PDZRN4: variants seen among roughly 807,000 people sequenced by gnomAD.
PDZRN4 encodes PDZ domain-containing RING finger protein 4.
PDZRN4 carries 70 observed loss-of-function variants against 99.0 expected under a neutral mutation model. The observed-to-expected ratio is 0.71, with a 90% CI of 0.58 to 0.86. PDZRN4 has a LOEUF of 0.86. Ranked by LOEUF, PDZRN4 falls within the 40% of genes least tolerant of loss-of-function variation. The pLI is 0.00. For missense variants in PDZRN4, 1,474 were observed against 1,331.2 expected (o/e 1.11, Z -1.67); for synonymous variants, 551 against 501.6 (o/e 1.10, Z -1.32).
intron 3 of PDZRN4, among the ~76,000 whole-genome samples, chr12:41,497,735 A>AATTGGTGTTTATTTGTGTCATAAT (rs1441528281): frequency 1.3e-5 from 2 of 152,182 alleles, no homozygotes; most frequent in Non-Finnish European, 2.9e-5. Context: ...TGACAAAGAT[A>AATTGGTGTTTATTTGTGTCATAAT]AAGTTGGTGA....
chr12:41,310,393 T>A (rs945455578), intron 3 of PDZRN4, among the ~76,000 whole-genome samples: 1 of 152,154 alleles, frequency 6.6e-6, no homozygotes, highest in African/African-American at 2.4e-5. Context: ...TTTCTAAAGA[T>A]CATATCTCAC....
At chr12:41,477,614 C>A (rs1372316814) in intron 3 of PDZRN4, among the ~76,000 whole-genome samples, 5 of 152,068 alleles carry the variant, frequency 3.3e-5, no homozygotes, top group Non-Finnish European at 7.4e-5. Context: ...GCAAAAGGTT[C>A]TTTTTACTAC....
intron 3 of PDZRN4, among the ~76,000 whole-genome samples, chr12:41,447,541 T>C (rs1952739506): frequency 6.6e-6 from 1 of 152,124 alleles, no homozygotes; most frequent in Non-Finnish European, 1.5e-5. Context: ...AAGTGTTTTT[T>C]TGAGGATTAA....
At chr12:41,504,380 A>G (rs1460644032) in intron 3 of PDZRN4, among the ~76,000 whole-genome samples, 1 of 152,178 alleles carries the variant, frequency 6.6e-6, no homozygotes, top group Non-Finnish European at 1.5e-5. Context: ...ATCTTCACTA[A>G]ACTCAGGGTA....
At chr12:41,296,715 C>G (rs915503843) in intron 3 of PDZRN4, among the ~76,000 whole-genome samples, 6 of 152,064 alleles carry the variant, frequency 3.9e-5, no homozygotes, top group Admixed American at 3.9e-4. Context: ...ATCCCAGCAA[C>G]TTGGGAGGCT....
chr12:41,233,595 G>A (rs930391618), intron 3 of PDZRN4, among the ~76,000 whole-genome samples: 5 of 152,150 alleles, frequency 3.3e-5, no homozygotes, highest in African/African-American at 7.2e-5. Flanking sequence ...GCACCATGGA[G>A]TACTATGCAG....
rs1951191599 is a variant in PDZRN4, at chr12:41,254,596, C to T, written c.843+60408C>T. On this transcript the variant is annotated intron_variant, in intron 3 of 9. Coordinates refer to ENST00000402685, the MANE Select transcript of PDZRN4 (RefSeq NM_001164595.2). ...GCTCATTTATGTAATAAATATTTTACCATTTCCTATGTGCCAGAAATTATG... is the reference window on the plus strand; with the variant it reads ...GCTCATTTATGTAATAAATATTTTATCATTTCCTATGTGCCAGAAATTATG... Among the ~76,000 whole-genome samples the T allele has an allele frequency of 2.0e-5, 3 of 152,346 alleles. No homozygotes were observed. In the South Asian group the frequency reaches 6.2e-4, roughly 32 times the overall value.
intron 3 of PDZRN4, among the ~76,000 whole-genome samples, chr12:41,217,902 C>A (rs1950931721): frequency 1.3e-5 from 2 of 152,156 alleles, no homozygotes; most frequent in South Asian, 4.1e-4. Context: ...AAAAAAGATA[C>A]CACATGATTC....
At chr12:41,453,483 C>T (rs1341935245) in intron 3 of PDZRN4, among the ~76,000 whole-genome samples, 1 of 152,138 alleles carries the variant, frequency 6.6e-6, no homozygotes, top group Non-Finnish European at 1.5e-5. Context: ...GTCTGACCTG[C>T]GGACATGTGA....
At chr12:41,408,806 T>TTGCGCTCTCTATCTCA (rs1253987968) in intron 3 of PDZRN4, among the ~76,000 whole-genome samples, 1 of 151,972 alleles carries the variant, frequency 6.6e-6, no homozygotes, top group Non-Finnish European at 1.5e-5. Context: ...TCTGTCTCTG[T>TTGCGCTCTCTATCTCA]CTCTCTTGCG....
intron 3 of PDZRN4, among the ~76,000 whole-genome samples, chr12:41,432,095 A>G (rs1226814930): frequency 6.6e-6 from 1 of 152,240 alleles, no homozygotes; most frequent in Non-Finnish European, 1.5e-5. Flanking sequence ...TACCAGACAT[A>G]TGATAAGCAC....
rs561714032 is a variant in PDZRN4, at chr12:41,259,888, G to A, written c.843+65700G>A. On this transcript the variant is annotated intron_variant, in intron 3 of 9. Coordinates refer to ENST00000402685, the MANE Select transcript of PDZRN4 (RefSeq NM_001164595.2). ...TTTTGCAAGCAAATCTATAGAAATC[G>A]AAGTGTCAGTTACAGATGTCTTTTT... 2.6e-5 allele frequency among the ~76,000 whole-genome samples: 4 copies of A among 152,106 alleles called. No homozygotes were observed. The South Asian group carries it at 6.2e-4, about 24-fold the overall frequency.
chr12:41,367,053 T>C (rs979200863), intron 3 of PDZRN4, among the ~76,000 whole-genome samples: 1 of 152,010 alleles, frequency 6.6e-6, no homozygotes, highest in African/African-American at 2.4e-5. Flanking sequence ...GCATGCAACT[T>C]CAGCTCCATG....
chr12:41,505,157 G>A (rs1377613555), intron 3 of PDZRN4, among the ~76,000 whole-genome samples: 2 of 152,108 alleles, frequency 1.3e-5, no homozygotes, highest in African/African-American at 4.8e-5. Flanking sequence ...TTTCTCTACA[G>A]CTGCAACTCA....
chr12:41,540,281 T>A (rs1938825277), intron 5 of PDZRN4, among the ~76,000 whole-genome samples: 1 of 152,188 alleles, frequency 6.6e-6, no homozygotes, highest in Admixed American at 6.5e-5. Flanking sequence ...ATCTTGTAAA[T>A]CAAATTTCTC....
rs1951545084 is a variant in PDZRN4 at position 41,302,874 on chromosome 12, AT to A, written c.843+108691del. Among the ~76,000 whole-genome samples, 8 of 151,804 alleles carry A rather than the reference AT, an allele frequency of 5.3e-5. No individual in the cohort carries two copies. In the South Asian group the frequency reaches 1.7e-3, roughly 32 times the overall value. Reference sequence around the variant, plus strand: ...CCCTAAAGGGTAAATCACATTATAAATTTTTCTGTCCAGGAGAATACTATTT... The same window carrying A: ...CCCTAAAGGGTAAATCACATTATAAATTTTCTGTCCAGGAGAATACTATTT... On this transcript the variant is annotated intron_variant, in intron 3 of 9. Transcript: ENST00000402685.
chr12:41,438,669 A>C (rs1952652762), intron 3 of PDZRN4, among the ~76,000 whole-genome samples: 1 of 152,226 alleles, frequency 6.6e-6, no homozygotes, highest in South Asian at 2.1e-4. Context: ...TAGGTGACCT[A>C]GAAAAAAGTG....
intron 3 of PDZRN4, among the ~76,000 whole-genome samples, chr12:41,426,468 T>C (rs1288428989): frequency 6.6e-6 from 1 of 152,198 alleles, no homozygotes; most frequent in Non-Finnish European, 1.5e-5. Context: ...GATGCTATGC[T>C]AAATGAAGTG....
chr12:41,427,785 C>T (rs1795148452), intron 3 of PDZRN4, among the ~76,000 whole-genome samples: 1 of 152,062 alleles, frequency 6.6e-6, no homozygotes, highest in Non-Finnish European at 1.5e-5. Context: ...TTTCTAGGAT[C>T]CCGAAGGTTG....
Sources: gnomAD v4.1 joint callset for allele counts (sites outside exome capture counted in the v4.1 genomes callset) on GRCh38, gnomAD v4.1.1 for gene constraint, MANE v1.5 for transcripts, NCBI Gene and HGNC (gene_info 2026-07-23, HGNC 2026-07-21) for gene names.